EPHA6: variants seen among roughly 807,000 people sequenced by gnomAD.
EPHA6 encodes the protein EPH receptor A6.
EPHA6 carries 50 observed loss-of-function variants against 112.0 expected under a neutral mutation model. The observed-to-expected ratio is 0.45, with a 90% CI of 0.36 to 0.56. The LOEUF (loss-of-function observed/expected upper bound fraction) is 0.56. EPHA6 is among the 20% of genes least tolerant of loss of function. The probability of loss-of-function intolerance (pLI) is 0.00; values close to 1 mark genes in which losing one functional copy is unlikely to be tolerated. For missense variants in EPHA6, 1,280 were observed against 1,417.4 expected (o/e 0.90, Z 1.56); for synonymous variants, 529 against 490.7 (o/e 1.08, Z -1.03).
At chr3:96,847,389 A>AT (rs66915504) in intron 1 of EPHA6, among the ~76,000 whole-genome samples, 5 of 150,968 alleles carry the variant, frequency 3.3e-5, no homozygotes, top group East Asian at 2.0e-4. Context: ...TGACACGTTC[A>AT]TTTTTTTTTC....
In EPHA6 at chr3:97,055,572, A is replaced by G. The variant is rs2045826173; in HGVS notation, c.1114+67579A>G. 2.0e-5 allele frequency among the ~76,000 whole-genome samples: 3 copies of G among 152,132 alleles called. No homozygotes were observed. The South Asian group carries it at 6.2e-4, about 31-fold the overall frequency. On this transcript the variant is annotated intron_variant, in intron 3 of 17. Coordinates refer to ENST00000389672, the MANE Select transcript of EPHA6 (RefSeq NM_001080448.3). ...CACTAAAATAAACAGCTGAGTGCTT[A>G]AGTGTGGTAGGAGACATTAAGAAAA...
chr3:96,942,240 C>G (rs1330223427), intron 2 of EPHA6, among the ~76,000 whole-genome samples: 2 of 152,218 alleles, frequency 1.3e-5, no homozygotes. Flanking sequence ...AGGCAGGCCT[C>G]CTTTAGCTGT....
At chr3:97,045,066 T>C (rs755569063) in intron 3 of EPHA6, among the ~76,000 whole-genome samples, 19 of 152,086 alleles carry the variant, frequency 1.2e-4, no homozygotes, top group Non-Finnish European at 2.5e-4. Flanking sequence ...TAATATCTGG[T>C]ATTCTATGAG....
At chr3:97,358,682 T>G (rs1292346815) in intron 5 of EPHA6, among the ~76,000 whole-genome samples, 7 of 152,158 alleles carry the variant, frequency 4.6e-5, no homozygotes, top group Admixed American at 2.0e-4. Flanking sequence ...AGTTACTTAC[T>G]GTCTAATGTC....
intron 2 of EPHA6, among the ~76,000 whole-genome samples, chr3:96,972,274 C>T (rs1021906661): frequency 2.0e-5 from 3 of 151,824 alleles, no homozygotes; most frequent in African/African-American, 7.3e-5. Flanking sequence ...CCTTTTTAGT[C>T]TATAACTGGG....
chr3:97,084,138 G>GCACACACA (rs373106924), intron 3 of EPHA6, among the ~76,000 whole-genome samples: 1 of 119,484 alleles, frequency 8.4e-6, no homozygotes, highest in African/African-American at 3.1e-5. Flanking sequence ...ATATATCCAT[G>GCACACACA]CACACACACA....
chr3:96,893,052 A>G (rs1051076684), intron 2 of EPHA6, among the ~76,000 whole-genome samples: 1 of 151,852 alleles, frequency 6.6e-6, no homozygotes, highest in Admixed American at 6.6e-5. Context: ...TGGTCCCGTA[A>G]GATTATAATC....
chr3:97,264,460 T>C (rs1354934551), intron 5 of EPHA6, among the ~76,000 whole-genome samples: 2 of 152,120 alleles, frequency 1.3e-5, no homozygotes, highest in Non-Finnish European at 2.9e-5. Context: ...CAGCAGGGAA[T>C]GTGGTGGTGC....
intron 3 of EPHA6, among the ~76,000 whole-genome samples, chr3:97,126,666 C>T (rs76965519): frequency 0.013 from 2,030 of 151,822 alleles, 39 homozygotes; most frequent in African/African-American, 0.044. Context: ...CATTTGTTCT[C>T]CTTTGTACTC....
intron 14 of EPHA6, among the ~76,000 whole-genome samples, chr3:97,657,554 A>G (rs527417505): frequency 6.6e-6 from 1 of 152,016 alleles, no homozygotes; most frequent in Admixed American, 6.6e-5. Context: ...GCCATAATTC[A>G]GTGAACAGAC....
At chr3:97,631,034 A>C (rs1253749122) in intron 13 of EPHA6, among the ~76,000 whole-genome samples, 3 of 152,030 alleles carry the variant, frequency 2.0e-5, no homozygotes, top group African/African-American at 4.8e-5. Context: ...AGATTGATTT[A>C]TGCGAGTATG....
chr3:97,362,075 A>T (rs1277433954), intron 5 of EPHA6, among the ~76,000 whole-genome samples: 1 of 152,186 alleles, frequency 6.6e-6, no homozygotes, highest in Admixed American at 6.6e-5. Flanking sequence ...CTTTGCCTTC[A>T]TGAAATGTAT....
chr3:97,584,132 A>G (rs1256076831), intron 11 of EPHA6, among the ~76,000 whole-genome samples: 1 of 152,222 alleles, frequency 6.6e-6, no homozygotes, highest in East Asian at 1.9e-4. Context: ...ACTGACATTG[A>G]GAAAACTCAA....
At chr3:97,054,163 AACACACACACACACAC>A (rs138411869) in intron 3 of EPHA6, among the ~76,000 whole-genome samples, 3 of 145,646 alleles carry the variant, frequency 2.1e-5, no homozygotes, top group East Asian at 2.0e-4. Flanking sequence ...ATAACTATCT[AACACACACACACACAC>A]ACACACACAC....
At chr3:97,010,247 T>C (rs558747416) in intron 3 of EPHA6, 1 of 466,926 alleles carries the variant, frequency 2.1e-6, no homozygotes, top group Non-Finnish European at 3.5e-6. Flanking sequence ...TATCATGTAA[T>C]AACTTGTAGC....
intron 14 of EPHA6, among the ~76,000 whole-genome samples, chr3:97,664,099 T>C (rs1366991357): frequency 6.6e-6 from 1 of 152,224 alleles, no homozygotes; most frequent in Non-Finnish European, 1.5e-5. Context: ...TGATGAGCAT[T>C]TTTTCATGTG....
chr3:97,107,088 G>A (rs542495251), intron 3 of EPHA6, among the ~76,000 whole-genome samples: 6 of 152,112 alleles, frequency 3.9e-5, no homozygotes, highest in Admixed American at 2.6e-4. Context: ...TTGAATAAAA[G>A]CATTAGTCTC....
At chr3:96,973,997 A>G (rs1419886618) in intron 2 of EPHA6, among the ~76,000 whole-genome samples, 2 of 145,728 alleles carry the variant, frequency 1.4e-5, no homozygotes, top group Admixed American at 6.9e-5. Context: ...TATATAATAT[A>G]CTGTGTATAT....
chr3:97,005,860 A>G (rs1368501478), intron 3 of EPHA6, among the ~76,000 whole-genome samples: 1 of 152,216 alleles, frequency 6.6e-6, no homozygotes, highest in Non-Finnish European at 1.5e-5. Flanking sequence ...CCTTTTCTGC[A>G]TCTATTGAGA....
Sources: allele counts gnomAD v4.1 joint callset (sites outside exome capture counted in the v4.1 genomes callset), GRCh38; gene constraint gnomAD v4.1.1; transcripts MANE v1.5; gene names NCBI Gene and HGNC (gene_info 2026-07-23, HGNC 2026-07-21).